ABCB8: variants seen among roughly 807,000 people sequenced by gnomAD.
The protein encoded by ABCB8 is ATP binding cassette subfamily B member 8.
ABCB8 carries 52 observed loss-of-function variants against 73.0 expected under a neutral mutation model. The ratio of observed to expected loss-of-function variants is 0.71; its 90% CI spans 0.57 to 0.90. The LOEUF is 0.90. ABCB8 is among the 40% of genes least tolerant of loss of function. The probability of loss-of-function intolerance (pLI) is 0.00; values close to 1 mark genes in which losing one functional copy is unlikely to be tolerated. For synonymous variants in ABCB8, 428 were observed against 423.5 expected (o/e 1.01, Z -0.13); for missense variants, 909 against 974.6 (o/e 0.93, Z 0.90).
Position 151,040,909 on chromosome 7 carries a change from C to A in ABCB8, c.1470C>A (p.Gly490=). The change falls in exon 12 of 16, where the codon GGC becomes GGA. Residue 490 remains glycine (G), a synonymous_variant. Transcript: ENST00000358849. ...LPPGKIVALV[G]QSGGGKTTVA... ...CTGGCAAGATCGTGGCCCTCGTGGG[C>A]CAGTCTGGCGGAGGTAAGGGGAGCC... is the stretch of plus-strand genomic sequence containing the variant. The A allele has an allele frequency of 6.2e-7, 1 of 1,605,206 alleles. No homozygotes were observed. The highest frequency in any genetic ancestry group is 1.1e-5 in the South Asian group (1 of 89,942).
intron 1 of ABCB8, 45 bp from the exon 2 acceptor site, chr7:151,033,560 G>T: frequency 6.6e-7 from 1 of 1,518,376 alleles, no homozygotes; most frequent in Non-Finnish European, 8.8e-7. Flanking sequence ...GTCAGCAGGA[G>T]GGCAGTCGGA....
chr7:151,040,273 T>C lies in ABCB8; in HGVS notation c.1223T>C (p.Met408Thr). 1 of 1,613,100 alleles carries C rather than the reference T, an allele frequency of 6.2e-7. No homozygotes were observed. The highest frequency in any genetic ancestry group is 2.2e-5 in the East Asian group (1 of 44,864). The change falls in exon 10 of 16, where the codon ATG becomes ACG. Residue 408 changes from methionine to threonine, a missense_variant. Physicochemically the swap from Met to Thr is moderately conservative, Grantham distance 81. Transcript: ENST00000358849. Reference sequence around the variant, plus strand: ...CTCTCTCCTTTTTCTGACAGGTCCATGGCCAACCTCTCTGTCCTGTTTGGG... The same window carrying C: ...CTCTCTCCTTTTTCTGACAGGTCCACGGCCAACCTCTCTGTCCTGTTTGGG... ...LVASQTVQRS[M>T]ANLSVLFGQV...
Position 151,034,775 on chromosome 7 carries a change from C to T in ABCB8, c.711C>T (p.Arg237=). 1 of 1,614,140 alleles carries T rather than the reference C, an allele frequency of 6.2e-7. No homozygotes were observed. Among genetic ancestry groups the T allele is most frequent in the South Asian group, 1.1e-5 (1 of 91,084 alleles). ...ATAAGACAGGGCAGCTGGTGAGCCG[C>T]TTGACAACTGACGTGCAGGAGTTTA... ...DANKTGQLVS[R]LTTDVQEFKS... is the part of the protein sequence containing the mutation. The change falls in exon 5 of 16, where the codon CGC becomes CGT. Residue 237 remains arginine (R), a synonymous_variant. Transcript: ENST00000358849.
At position 151,033,687 on chromosome 7, in the gene ABCB8, GC is replaced by G; in HGVS notation, c.184del (p.Leu62Ter). On this transcript the variant is annotated frameshift_variant, in exon 2 of 16. Transcript: ENST00000358849. LOFTEE classifies it high-confidence loss of function. ...CCAGCTCTGGGCCCACCTCCCTCGA[GC>G]CCCCCTAGCTCCCAGATGGAGCCCC... ...RSQLWAHLPR[A>X]PLAPRWSPSA... 3 of 1,612,192 alleles carry G rather than the reference GC, an allele frequency of 1.9e-6. No individual in the cohort carries two copies. The highest frequency in any genetic ancestry group is 1.7e-5 in the Admixed American group (1 of 59,880).
chr7:151,037,678 C>T, intron 9 of ABCB8: 1 of 341,802 alleles, frequency 2.9e-6, no homozygotes, highest in South Asian at 2.5e-5. Context: ...TCCACCGGGG[C>T]CCCCACCCCA....
At chr7:151,034,052 C>T (rs1796237435) in intron 2 of ABCB8, 135 bp downstream of exon 2, 1 of 1,252,038 alleles carries the variant, frequency 8.0e-7, no homozygotes, top group African/African-American at 1.5e-5. Flanking sequence ...TCCAGGGGTG[C>T]CAGGAGCATC....
intron 14 of ABCB8, among the ~76,000 whole-genome samples, chr7:151,042,892 A>G (rs1046271699): frequency 6.6e-6 from 1 of 152,202 alleles, no homozygotes; most frequent in Admixed American, 6.5e-5. Context: ...TCCAGATGCC[A>G]GCTGTCCTCA....
intron 1 of ABCB8, among the ~76,000 whole-genome samples, chr7:151,032,667 C>T (rs1385030814): frequency 6.7e-6 from 1 of 149,696 alleles, no homozygotes; most frequent in Non-Finnish European, 1.5e-5. Context: ...TCACTCCAGC[C>T]GGGGTGACGG....
intron 1 of ABCB8, among the ~76,000 whole-genome samples, chr7:151,030,904 C>T (rs1251359302): frequency 2.0e-5 from 3 of 152,206 alleles, no homozygotes; most frequent in Non-Finnish European, 2.9e-5. Context: ...AGCACCACTG[C>T]TCTCCAGCCG....
At chr7:151,043,927 CAA>C (rs1476687809) in intron 14 of ABCB8, 42 bp from the exon 15 acceptor site, 1 of 1,597,844 alleles carries the variant, frequency 6.3e-7, no homozygotes, top group South Asian at 1.1e-5. Context: ...GGGCCACCCT[CAA>C]GTGCACAGCT....
rs776577422 is a variant in ABCB8, at chr7:151,042,021, T to A, written c.1678T>A (p.Ser560Thr). 5.0e-6 allele frequency: 8 copies of A among 1,612,936 alleles called. No individual in the cohort carries two copies. The highest frequency in any genetic ancestry group is 6.8e-6 in the Non-Finnish European group (8 of 1,179,996). Residue 560 changes from serine (S) to threonine (T), a missense_variant, in exon 14 of 16, where the codon TCC (serine) becomes ACC (threonine). Coordinates refer to ENST00000358849, the MANE Select transcript of ABCB8 (RefSeq NM_007188.5). ...ENIRFGKLEA[S>T]DEEVYTAARE... Reference sequence around the variant, plus strand: ...CATCCGCTTTGGGAAGCTGGAAGCTTCCGATGAAGAGGTGTACACAGCCGC... The same window carrying A: ...CATCCGCTTTGGGAAGCTGGAAGCTACCGATGAAGAGGTGTACACAGCCGC...
chr7:151,034,535 C>A lies in ABCB8; in HGVS notation c.595C>A (p.Leu199Met). ...GLLTFGYLVL[L>M]SHVGERMAVD... ...GCTGACCTTCGGGTACCTGGTGCTG[C>A]TGTCCCACGTTGGCGAGCGCATGGC... is the stretch of plus-strand genomic sequence containing the variant. Residue 199 changes from leucine to methionine, a missense_variant, in exon 4 of 16, where the codon CTG (leucine) becomes ATG (methionine). Physicochemically the swap from Leu to Met is conservative, Grantham distance 15. Coordinates refer to ENST00000358849, the MANE Select transcript of ABCB8 (RefSeq NM_007188.5). 6.2e-7 allele frequency: 1 copy of A among 1,613,530 alleles called. No individual in the cohort carries two copies. The highest frequency in any genetic ancestry group is 8.5e-7 in the Non-Finnish European group (1 of 1,180,024).
At chr7:151,033,158 T>G (rs1156765633) in intron 1 of ABCB8, 7 of 455,240 alleles carry the variant, frequency 1.5e-5, no homozygotes, top group Non-Finnish European at 3.1e-5. Flanking sequence ...TGGTGGCTGC[T>G]GTGAGCAAGT....
In ABCB8 at chr7:151,040,792, G is replaced by C. The variant is rs147667596; in HGVS notation, c.1389-36G>C. Reference sequence around the variant, plus strand: ...GGGACCCGGGCAACAAGGGCTGGGAGCCTGGTCTGACTGGGGGTCTCTCGG... The same window carrying C: ...GGGACCCGGGCAACAAGGGCTGGGACCCTGGTCTGACTGGGGGTCTCTCGG... On this transcript the variant is annotated intron_variant, in intron 11 of 15. Transcript: ENST00000358849. 4.0e-3 allele frequency: 6,327 copies of C among 1,588,602 alleles called. 26 individuals carry two copies. The highest frequency in any genetic ancestry group is 0.018 in the Middle Eastern group (110 of 6,036).
At position 151,040,774 on chromosome 7, in the gene ABCB8, G is replaced by A. The variant is rs766064371; in HGVS notation, c.1389-54G>A. ...TACAGGGAGACTTCAGGAGGGACCCGGGCAACAAGGGCTGGGAGCCTGGTC... is the reference window on the plus strand; with the variant it reads ...TACAGGGAGACTTCAGGAGGGACCCAGGCAACAAGGGCTGGGAGCCTGGTC... On this transcript the variant is annotated intron_variant, in intron 11 of 15. Coordinates refer to ENST00000358849, the MANE Select transcript of ABCB8 (RefSeq NM_007188.5). 2.1e-4 allele frequency: 340 copies of A among 1,591,136 alleles called. 1 individual carries two copies. Among genetic ancestry groups the A allele is most frequent in the South Asian group, 2.9e-4 (26 of 89,266 alleles).
At position 151,034,338 on chromosome 7, in the gene ABCB8, C is replaced by G; in HGVS notation, c.474C>G (p.Val158=). Reference sequence around the variant, plus strand: ...TGCTCCTGGGCCAGCTGGTAGAGGTCGTGGCCAAGTACACAAGGGACCACG... The same window carrying G: ...TGCTCCTGGGCCAGCTGGTAGAGGTGGTGGCCAAGTACACAAGGGACCACG... ...IPLLLGQLVE[V]VAKYTRDHVG... is the part of the protein sequence containing the mutation. The change falls in exon 3 of 16, where the codon GTC becomes GTG. Residue 158 remains valine, a synonymous_variant. Coordinates refer to ENST00000358849, the MANE Select transcript of ABCB8 (RefSeq NM_007188.5). The G allele has an allele frequency of 6.2e-7, 1 of 1,613,846 alleles. No individual in the cohort carries two copies. The highest frequency in any genetic ancestry group is 8.5e-7 in the Non-Finnish European group (1 of 1,179,978).
At chr7:151,032,222 G>A (rs1796182677) in intron 1 of ABCB8, among the ~76,000 whole-genome samples, 1 of 152,122 alleles carries the variant, frequency 6.6e-6, no homozygotes, top group Non-Finnish European at 1.5e-5. Context: ...TTACCTAGAA[G>A]GCCTTTCCTG....
At chr7:151,044,644 G>A (rs1436134935) in intron 15 of ABCB8, among the ~76,000 whole-genome samples, 10 of 152,296 alleles carry the variant, frequency 6.6e-5, no homozygotes, top group East Asian at 1.9e-4. Flanking sequence ...CTCTGGAGGC[G>A]GAGGCGGGAG....
Position 151,044,131 on chromosome 7 carries a change from A to G in ABCB8, c.1926A>G (p.Ala642=). Residue 642 remains alanine (A), a synonymous_variant, in exon 15 of 16, where the codon GCA becomes GCG. Transcript: ENST00000358849. ...AGGAGGCCCTGGACCGGGCCAGTGC[A>G]GGCCGCACGGTGCTGGTAATTGCCC... ...VVQEALDRAS[A]GRTVLVIAHR... 1 of 1,613,976 alleles carries G rather than the reference A, an allele frequency of 6.2e-7. No individual in the cohort carries two copies. The highest frequency in any genetic ancestry group is 8.5e-7 in the Non-Finnish European group (1 of 1,179,962).
Sources: allele counts gnomAD v4.1 joint callset (sites outside exome capture counted in the v4.1 genomes callset), GRCh38; gene constraint gnomAD v4.1.1; transcripts MANE v1.5; gene names NCBI Gene and HGNC (gene_info 2026-07-23, HGNC 2026-07-21).